Variants in SAMD14 observed in about 807,000 individuals in gnomAD.
SAMD14 encodes the protein sterile alpha motif domain-containing protein 14.
SAMD14 carries 27 observed loss-of-function variants against 46.2 expected under a neutral mutation model. The ratio of observed to expected loss-of-function variants is 0.58; its 90% CI spans 0.43 to 0.81. The LOEUF is 0.81. Ranked by LOEUF, SAMD14 falls within the 30% of genes least tolerant of loss-of-function variation. The pLI, the probability that SAMD14 is intolerant of heterozygous loss-of-function variation, is 0.00. For synonymous variants in SAMD14, 241 were observed against 254.3 expected (o/e 0.95, Z 0.50); for missense variants, 559 against 582.2 (o/e 0.96, Z 0.41).
In SAMD14 at chr17:50,117,572, C is replaced by A. The variant is rs1052648898; in HGVS notation, c.334G>T (p.Asp112Tyr). ...GTGAGCGGCGAGGGCGGCGGCTCGT[C>A]CTCGTCCAGGCTGCGCCGCAACCCC... Reference protein sequence around the residue: ...PPGLRRSLDEDEPPPSPLTRY... With the variant: ...PPGLRRSLDEYEPPPSPLTRY... Residue 112 changes from aspartate (D) to tyrosine (Y), a missense_variant, in exon 4 of 10, where the codon GAC becomes TAC. Asp to Tyr is a radical substitution (Grantham distance 160, BLOSUM62 -3). Coordinates refer to ENST00000330175, the MANE Select transcript of SAMD14 (RefSeq NM_001257359.2). 6.4e-7 allele frequency: 1 copy of A among 1,551,432 alleles called. No homozygotes were observed. Among genetic ancestry groups the A allele is most frequent in the Non-Finnish European group, 8.6e-7 (1 of 1,158,926 alleles).
At chr17:50,123,194 G>C (rs1019495383) in intron 2 of SAMD14, among the ~76,000 whole-genome samples, 6 of 152,340 alleles carry the variant, frequency 3.9e-5, no homozygotes, top group African/African-American at 1.4e-4. Context: ...TTGCCCGAGG[G>C]CATAAAGCTG....
rs1290172763 is a variant in SAMD14 at position 50,111,170 on chromosome 17, C to T, written c.*1723G>A. 2.6e-5 allele frequency: 4 copies of T among 152,314 alleles called. No individual in the cohort carries two copies. The highest frequency in any genetic ancestry group is 9.7e-5 in the African/African-American group (4 of 41,442). 9.4% of individuals were successfully genotyped at this position (152,314 alleles called of 1,614,324 possible). A position where few individuals can be genotyped will look rare whatever the true frequency, so the allele number is the denominator to read the frequency against. On this transcript the variant is annotated 3_prime_UTR_variant, in exon 10 of 10. Transcript: ENST00000330175. ...CGCACCGGGGACGTCCGGCCCAGCTCAGGACTGTGAGTAAAACACTGGGCA... is the reference window on the plus strand; with the variant it reads ...CGCACCGGGGACGTCCGGCCCAGCTTAGGACTGTGAGTAAAACACTGGGCA...
rs1469113307 is a variant in SAMD14 at position 50,117,713 on chromosome 17, C to G, written c.211-18G>C. ...TCGGTCACCTGGACGAGGGGGCAGC[C>G]GCTCACCGAGAACCCTCCTCCTCCC... is the stretch of plus-strand genomic sequence containing the variant. On this transcript the variant is annotated intron_variant, in intron 3 of 9. Transcript: ENST00000330175. 2 of 1,424,924 alleles carry G rather than the reference C, an allele frequency of 1.4e-6. No homozygotes were observed. Among genetic ancestry groups the G allele is most frequent in the Non-Finnish European group, 1.8e-6 (2 of 1,095,180 alleles). 88.3% of individuals were successfully genotyped at this position (1,424,924 alleles called of 1,614,324 possible).
intron 4 of SAMD14, 105 bp downstream of exon 4, chr17:50,117,302 A>G (rs1598226075): frequency 8.8e-7 from 1 of 1,130,512 alleles, no homozygotes; most frequent in Non-Finnish European, 1.1e-6. Context: ...TCCCCCAGCC[A>G]CCCTGCTCAG....
In SAMD14 at chr17:50,114,273, T is replaced by TG. The variant is rs1567718169; in HGVS notation, c.855dup (p.Ser286GlnfsTer29). ...CCACTGGGGATCTTGGGGCTGCTGC[T>TG]GGGGGGCGTGGAGTCATCACTCAGA... On this transcript the variant is annotated frameshift_variant, in exon 8 of 10. Transcript: ENST00000330175. LOFTEE classifies it high-confidence loss of function. 1 of 1,613,964 alleles carries TG rather than the reference T, an allele frequency of 6.2e-7. No individual in the cohort carries two copies. Among genetic ancestry groups the TG allele is most frequent in the Non-Finnish European group, 8.5e-7 (1 of 1,179,978 alleles).
intron 4 of SAMD14, 84 bp from the exon 5 acceptor site, chr17:50,116,174 C>A: frequency 2.0e-6 from 3 of 1,515,620 alleles, no homozygotes; most frequent in Non-Finnish European, 2.7e-6. Context: ...GGTAGAAATT[C>A]TCTTGACTTA....
intron 1 of SAMD14, among the ~76,000 whole-genome samples, chr17:50,128,576 C>T (rs1027414411): frequency 1.3e-5 from 2 of 152,148 alleles, no homozygotes; most frequent in African/African-American, 4.8e-5. Context: ...ATACCCTTCC[C>T]CCCAAGGCTT....
chr17:50,127,306 T>G (rs1337576262), intron 1 of SAMD14, among the ~76,000 whole-genome samples: 1 of 151,180 alleles, frequency 6.6e-6, no homozygotes, highest in Non-Finnish European at 1.5e-5. Context: ...GGGAGAAGCA[T>G]CAAAACCACC....
At chr17:50,124,619 C>T (rs1374709642) in intron 2 of SAMD14, among the ~76,000 whole-genome samples, 3 of 152,154 alleles carry the variant, frequency 2.0e-5, no homozygotes, top group South Asian at 4.1e-4. Flanking sequence ...TTAACTAATA[C>T]AGTGCATGTG....
At position 50,112,840 on chromosome 17, in the gene SAMD14, C is replaced by T. The variant is rs1490418595; in HGVS notation, c.*53G>A. On this transcript the variant is annotated 3_prime_UTR_variant, in exon 10 of 10. Transcript: ENST00000330175. ...TCCAGCCTCCCTGGTGAGGCCTGTG[C>T]CCGCGGAGCCAGTGGCTGCCCCTGC... The T allele has an allele frequency of 7.7e-6, 12 of 1,566,636 alleles. No individual in the cohort carries two copies. The highest frequency in any genetic ancestry group is 1.4e-5 in the African/African-American group (1 of 73,614).
intron 2 of SAMD14, 134 bp from the exon 3 acceptor site, chr17:50,118,461 A>T: frequency 9.7e-7 from 1 of 1,034,184 alleles, no homozygotes; most frequent in South Asian, 1.6e-5. Context: ...GAGCACAGAC[A>T]GATGAAAAAC....
intron 2 of SAMD14, 94 bp from the exon 3 acceptor site, chr17:50,118,421 A>G: frequency 1.4e-6 from 2 of 1,439,106 alleles, no homozygotes; most frequent in Non-Finnish European, 1.9e-6. Flanking sequence ...CCCACACCCC[A>G]GGCATTCAAC....
At chr17:50,121,881 A>G (rs1911520024) in intron 2 of SAMD14, among the ~76,000 whole-genome samples, 1 of 152,144 alleles carries the variant, frequency 6.6e-6, no homozygotes, top group South Asian at 2.1e-4. Flanking sequence ...ACTTCCTTTT[A>G]GGTGTCAGCT....
intron 2 of SAMD14, among the ~76,000 whole-genome samples, chr17:50,120,991 C>G (rs1376800245): frequency 1.3e-5 from 2 of 152,216 alleles, no homozygotes; most frequent in South Asian, 4.1e-4. Context: ...AATGTCAGCT[C>G]CATGAGGACA....
In SAMD14 at chr17:50,122,456, G is replaced by A. The variant is rs559949702; in HGVS notation, c.43+2461C>T. Among the ~76,000 whole-genome samples the A allele has an allele frequency of 3.0e-4, 45 of 152,194 alleles. No individual in the cohort carries two copies. In the East Asian group the frequency reaches 6.7e-3, roughly 23 times the overall value. On this transcript the variant is annotated intron_variant, in intron 2 of 9. Coordinates refer to ENST00000330175, the MANE Select transcript of SAMD14 (RefSeq NM_001257359.2). ...CATGCCCATGCCCACATCCCATCAC[G>A]TCCACATTTCAATCCTCTGCCCAGC... is the stretch of plus-strand genomic sequence containing the variant.
At position 50,114,236 on chromosome 17, in the gene SAMD14, T is replaced by C; in HGVS notation, c.893A>G (p.Glu298Gly). Residue 298 changes from glutamate (E) to glycine (G), a missense_variant, in exon 8 of 10, where the codon GAG becomes GGG. Physicochemically the swap from Glu to Gly is moderately conservative, Grantham distance 98. Coordinates refer to ENST00000330175, the MANE Select transcript of SAMD14 (RefSeq NM_001257359.2). Reference sequence around the variant, plus strand: ...GTGGTAGGGGTAAGAACATTTGGCCTCCTGCCAGGGCCCACTGGGGATCTT... The same window carrying C: ...GTGGTAGGGGTAAGAACATTTGGCCCCCTGCCAGGGCCCACTGGGGATCTT... Reference protein sequence around the residue: ...SPKIPSGPWQEAKCSYPYHTL... With the variant: ...SPKIPSGPWQGAKCSYPYHTL... 1 of 1,614,112 alleles carries C rather than the reference T, an allele frequency of 6.2e-7. No homozygotes were observed. Among genetic ancestry groups the C allele is most frequent in the Non-Finnish European group, 8.5e-7 (1 of 1,180,008 alleles).
rs1359657400 is a variant in SAMD14 at position 50,110,407 on chromosome 17, C to T, written c.*2486G>A. 4.3e-6 allele frequency: 1 copy of T among 233,890 alleles called. No homozygotes were observed. Among genetic ancestry groups the T allele is most frequent in the Non-Finnish European group, 8.3e-6 (1 of 120,054 alleles). The allele number at this position is 233,890 out of a possible 1,614,324, so 14.5% of individuals were successfully genotyped here. A position where few individuals can be genotyped will look rare whatever the true frequency, so the allele number is the denominator to read the frequency against. On this transcript the variant is annotated 3_prime_UTR_variant, in exon 10 of 10. Coordinates refer to ENST00000330175, the MANE Select transcript of SAMD14 (RefSeq NM_001257359.2). ...TCCTCCTCTCTGAGACCAGGGCTGT[C>T]ACTTTTCTGCCAGGGGTACTGGGTC...
rs1911047103 is a variant in SAMD14, at chr17:50,114,238, C to T, written c.891G>A (p.Gln297=). 1.2e-6 allele frequency: 2 copies of T among 1,614,034 alleles called. No individual in the cohort carries two copies. The highest frequency in any genetic ancestry group is 1.1e-5 in the South Asian group (1 of 91,092). The change falls in exon 8 of 10, where the codon CAG becomes CAA. Residue 297 remains glutamine (Q), a synonymous_variant. Coordinates refer to ENST00000330175, the MANE Select transcript of SAMD14 (RefSeq NM_001257359.2). ...GGTAGGGGTAAGAACATTTGGCCTC[C>T]TGCCAGGGCCCACTGGGGATCTTGG... ...SSPKIPSGPW[Q]EAKCSYPYHT...
intron 9 of SAMD14, chr17:50,113,310 T>C: frequency 2.2e-6 from 1 of 462,302 alleles, no homozygotes; most frequent in Non-Finnish European, 3.9e-6. Flanking sequence ...CACTCAGTAT[T>C]TCAGCCTTGG....
Sources: gnomAD v4.1 joint callset for allele counts (sites outside exome capture counted in the v4.1 genomes callset) on GRCh38, gnomAD v4.1.1 for gene constraint, MANE v1.5 for transcripts, NCBI Gene and HGNC (gene_info 2026-07-23, HGNC 2026-07-21) for gene names.